Variants in MLXIPL observed in about 807,000 individuals in gnomAD.
MLXIPL encodes the protein carbohydrate-responsive element-binding protein.
In MLXIPL, 49 loss-of-function variants were observed where a neutral mutation model predicts 81.5. The ratio of observed to expected loss-of-function variants is 0.60; its 90% CI spans 0.48 to 0.76. MLXIPL has a LOEUF of 0.76. Ranked by LOEUF, MLXIPL falls within the 30% of genes least tolerant of loss-of-function variation. The pLI is 0.00. For synonymous variants in MLXIPL, 466 were observed against 485.5 expected (o/e 0.96, Z 0.53); for missense variants, 1,053 against 1,167.0 (o/e 0.90, Z 1.42).
rs1794245608 is a variant in MLXIPL, at chr7:73,595,876, G to A, written c.2152C>T (p.Arg718Trp). Residue 718 changes from arginine (R) to tryptophan (W), a missense_variant, in exon 14 of 17, where the codon CGG becomes TGG. By Grantham distance (101) the Arg-to-Trp change is moderately radical. Around this residue, in one of 3 missense-constraint regions of MLXIPL, gnomAD observed 823 missense variants for 933.0 expected, o/e 0.88. Transcript: ENST00000313375. Reference sequence around the variant, plus strand: ...GCATTGAGCTCCTCAATCTCATCCCGCAGCTGCTGGGCCTCCTCCTGCAAG... The same window carrying A: ...GCATTGAGCTCCTCAATCTCATCCCACAGCTGCTGGGCCTCCTCCTGCAAG... ...AGLQEEAQQL[R>W]DEIEELNAAI... The A allele has an allele frequency of 5.6e-6, 9 of 1,611,078 alleles. No individual in the cohort carries two copies. Among genetic ancestry groups the A allele is most frequent in the African/African-American group, 1.3e-5 (1 of 74,844 alleles).
At chr7:73,636,138 C>T in the MLXIPL span, among the ~76,000 whole-genome samples, 1 of 152,084 alleles carries the variant, frequency 6.6e-6, no homozygotes, top group Non-Finnish European at 1.5e-5. Context: ...GGCCGGGCAC[C>T]GTGGCTCACG....
At chr7:73,615,990 A>C in intron 2 of MLXIPL, 81 bp downstream of exon 2, 1 of 1,118,966 alleles carries the variant, frequency 8.9e-7, no homozygotes, top group Non-Finnish European at 1.3e-6. Flanking sequence ...TTTCCTGGGC[A>C]GCCACCATGT....
intron 5 of MLXIPL, chr7:73,606,549 C>A (rs1795298602): frequency 9.6e-6 from 3 of 313,574 alleles, no homozygotes; most frequent in South Asian, 6.6e-5. Context: ...TCTCAGCCTC[C>A]TGAGTAGCTG....
chr7:73,604,215 CAAAAAAAAAAAAAAAAAA>C (rs55693159), intron 7 of MLXIPL, among the ~76,000 whole-genome samples: 1 of 50,000 alleles, frequency 2.0e-5, no homozygotes, highest in East Asian at 7.2e-4. Context: ...GACTCCGTCT[CAAAAAAAAAAAAAAAAAA>C]AAAAAAAAAA....
chr7:73,624,955 G>A (rs1317579871), upstream of MLXIPL, among the ~76,000 whole-genome samples: 3 of 152,126 alleles, frequency 2.0e-5, no homozygotes, highest in African/African-American at 4.8e-5. Flanking sequence ...CAGCTACTGG[G>A]GAGGCTGAGG....
the MLXIPL span, among the ~76,000 whole-genome samples, chr7:73,631,753 TTCTCCCTC>T: frequency 4.9e-3 from 714 of 147,004 alleles, 15 homozygotes; most frequent in East Asian, 0.041. Flanking sequence ...CTCTCTCCCC[TTCTCCCTC>T]TCTCCCTCTC....
intron 7 of MLXIPL, among the ~76,000 whole-genome samples, chr7:73,600,381 AG>A (rs797032206): frequency 1.3e-3 from 32 of 25,094 alleles, no homozygotes; most frequent in African/African-American, 4.9e-3. Context: ...GATGGGGGTG[AG>A]GGGGGTGCCT....
At chr7:73,622,639 C>T (rs1280278732) in intron 1 of MLXIPL, among the ~76,000 whole-genome samples, 1 of 151,866 alleles carries the variant, frequency 6.6e-6, no homozygotes, top group Non-Finnish European at 1.5e-5. Flanking sequence ...CCACTGTGCC[C>T]AGCCAGAGAT....
At chr7:73,631,810 C>T in the MLXIPL span, among the ~76,000 whole-genome samples, 1 of 145,300 alleles carries the variant, frequency 6.9e-6, no homozygotes, top group Non-Finnish European at 1.5e-5. Flanking sequence ...CCACTCCCTT[C>T]TCCTCTCTTC....
chr7:73,612,513 G>A (rs564310362), intron 2 of MLXIPL, among the ~76,000 whole-genome samples: 6 of 151,364 alleles, frequency 4.0e-5, no homozygotes, highest in South Asian at 2.1e-4. Context: ...GTGGTGGTGC[G>A]CACCTGTAGT....
Position 73,593,757 on chromosome 7 carries a change from A to G in MLXIPL, c.*108T>C. 6 of 1,012,538 alleles carry G rather than the reference A, an allele frequency of 5.9e-6. No individual in the cohort carries two copies. Among genetic ancestry groups the G allele is most frequent in the Non-Finnish European group, 9.4e-6 (6 of 637,726 alleles). The allele number at this position is 1,012,538 out of a possible 1,614,324, so 62.7% of individuals were successfully genotyped here. A position where few individuals can be genotyped will look rare whatever the true frequency, so the allele number is the denominator to read the frequency against. On this transcript the variant is annotated 3_prime_UTR_variant, in exon 17 of 17. Transcript: ENST00000313375. ...TGCTCCACCCCCCAGGGAAGGGCAG[A>G]GCCAGGGCCTGGGGCAGGAAGGGAG...
intron 2 of MLXIPL, among the ~76,000 whole-genome samples, chr7:73,613,120 C>A (rs7808877): frequency 2.0e-5 from 3 of 151,918 alleles, no homozygotes; most frequent in African/African-American, 4.8e-5. Flanking sequence ...GCCCTAAGGC[C>A]CGACATTAGT....
At chr7:73,602,130 G>GCCTTCCTTCCTGCCTTCCTTCCTTCCTT (rs1794901994) in intron 7 of MLXIPL, among the ~76,000 whole-genome samples, 2 of 80,508 alleles carry the variant, frequency 2.5e-5, no homozygotes, top group African/African-American at 1.1e-4. Flanking sequence ...CTGCCTGCCT[G>GCCTTCCTTCCTGCCTTCCTTCCTTCCTT]CCTTCCTTCC....
Position 73,596,351 on chromosome 7 carries a change from G to C in MLXIPL, c.1938+13C>G. The C allele has an allele frequency of 6.2e-7, 1 of 1,613,026 alleles. No individual in the cohort carries two copies. Among genetic ancestry groups the C allele is most frequent in the Non-Finnish European group, 8.5e-7 (1 of 1,179,754 alleles). On this transcript the variant is annotated intron_variant, in intron 12 of 16. Coordinates refer to ENST00000313375, the MANE Select transcript of MLXIPL (RefSeq NM_032951.3). This position sits in a 1 kb window ranked among gnomAD's most constrained non-coding sequence, Gnocchi z 4.7. ...GGTAGCAAACCGATCTTGGGGTGGG[G>C]GATGGTGCCCACCTTGTTGCTGTCT...
chr7:73,609,089 G>A lies in MLXIPL; in HGVS notation c.401-1417C>T, dbSNP rs1468358038. Among the ~76,000 whole-genome samples the A allele has an allele frequency of 7.2e-5, 11 of 152,062 alleles. No individual in the cohort carries two copies. In the East Asian group the frequency reaches 9.7e-4, roughly 13 times the overall value. ...CTCCCAAGGTGTTGGGATTACAGGC[G>A]TGAGCCACTGTGCCTGGCCTCTTCC... On this transcript the variant is annotated intron_variant, in intron 2 of 16. Transcript: ENST00000313375.
At chr7:73,635,435 C>T in the MLXIPL span, among the ~76,000 whole-genome samples, 1 of 152,106 alleles carries the variant, frequency 6.6e-6, no homozygotes, top group African/African-American at 2.4e-5. Flanking sequence ...AGTCAGTCTA[C>T]CCACCCATCT....
the MLXIPL span, among the ~76,000 whole-genome samples, chr7:73,639,885 C>G: frequency 6.6e-6 from 1 of 151,110 alleles, no homozygotes; most frequent in East Asian, 2.0e-4. Context: ...GGTGAAACCC[C>G]GTCTCCACTA....
At position 73,604,139 on chromosome 7, in the gene MLXIPL, C is replaced by T. The variant is rs145263661; in HGVS notation, c.901+1549G>A. ...GCTGAGGCACAAGAATCGCTTGAAC[C>T]TGGGAGGCGGAAGCTGCAGTGAGCT... is the stretch of plus-strand genomic sequence containing the variant. On this transcript the variant is annotated intron_variant, in intron 7 of 16. Transcript: ENST00000313375. Among the ~76,000 whole-genome samples, 557 of 145,788 alleles carry T rather than the reference C, an allele frequency of 3.8e-3. 4 individuals are homozygous for T. The highest frequency in any genetic ancestry group is 6.1e-3 in the Non-Finnish European group (412 of 67,224).
upstream of MLXIPL, among the ~76,000 whole-genome samples, chr7:73,626,503 A>C (rs73137078): frequency 0.021 from 3,201 of 151,450 alleles, 41 homozygotes; most frequent in Middle Eastern, 0.034. Flanking sequence ...AATCTGCTTC[A>C]GCCTCCCAAA....
Sources: gnomAD v4.1 joint callset for allele counts (sites outside exome capture counted in the v4.1 genomes callset) on GRCh38, gnomAD v4.1.1 for gene constraint, gnomAD v4.1.1 regional missense constraint, Gnocchi (gnomAD v3.1) non-coding constraint, MANE v1.5 for transcripts, NCBI Gene and HGNC (gene_info 2026-07-23, HGNC 2026-07-21) for gene names.